Variants in PHLPP1 observed in about 807,000 individuals in gnomAD.
PHLPP1 encodes the protein PH domain leucine-rich repeat-containing protein phosphatase 1.
A neutral mutation model predicts 117.2 loss-of-function variants in PHLPP1; 42 were observed. That is an observed-to-expected ratio of 0.36 (90% CI 0.28 to 0.46). PHLPP1 has a LOEUF of 0.46. Among genes scored for constraint, PHLPP1 ranks in the 20% least tolerant of loss-of-function variants. The pLI is 1.00. For synonymous variants in PHLPP1, 1,042 were observed against 970.7 expected, an observed-to-expected ratio of 1.07 and a Z score of -1.37; for missense variants, 2,084 against 2,241.9, an observed-to-expected ratio of 0.93 and a Z score of 1.42.
chr18:62,720,605 T>C (rs926384867), intron 1 of PHLPP1, among the ~76,000 whole-genome samples: 1 of 152,214 alleles, frequency 6.6e-6, no homozygotes, highest in Non-Finnish European at 1.5e-5. Flanking sequence ...ACAAGCAGGT[T>C]CTTATTACTA....
chr18:62,896,012 G>T lies in PHLPP1; in HGVS notation c.2444+1G>T. On this transcript the variant is annotated splice_donor_variant, in intron 6 of 16. Transcript: ENST00000262719. LOFTEE classifies it high-confidence loss of function. ...CTCACATTAAACATGTGGATCTAAG[G>T]TAACCATTTTTGAGAAATAGATCTC... The T allele has an allele frequency of 6.3e-7, 1 of 1,583,908 alleles. No individual in the cohort carries two copies. The highest frequency in any genetic ancestry group is 1.1e-5 in the South Asian group (1 of 90,188).
At position 62,965,722 on chromosome 18, in the gene PHLPP1, G is replaced by A. The variant is rs909569824; in HGVS notation, c.3560+2250G>A. ...GATCCACCTGCCTCAGCCTCCCAAA[G>A]TGCTGGGATTACAGATGTGAGCCAC... is the stretch of plus-strand genomic sequence containing the variant. On this transcript the variant is annotated intron_variant, in intron 14 of 16. Coordinates refer to ENST00000262719, the MANE Select transcript of PHLPP1 (RefSeq NM_194449.4). Among the ~76,000 whole-genome samples the A allele has an allele frequency of 6.0e-5, 9 of 150,892 alleles. No homozygotes were observed. In the East Asian group the frequency reaches 1.8e-3, roughly 29 times the overall value.
chr18:62,758,991 CAA>C (rs745633611), intron 1 of PHLPP1, among the ~76,000 whole-genome samples: 12 of 152,242 alleles, frequency 7.9e-5, no homozygotes, highest in Non-Finnish European at 1.3e-4. Context: ...GTTCTGGAGT[CAA>C]AAACAAGATT....
intron 10 of PHLPP1, among the ~76,000 whole-genome samples, chr18:62,937,193 G>A (rs1348932153): frequency 6.6e-6 from 1 of 152,188 alleles, no homozygotes; most frequent in Non-Finnish European, 1.5e-5. Flanking sequence ...ATATATAGAT[G>A]AGTCAAATGG....
intron 2 of PHLPP1, among the ~76,000 whole-genome samples, chr18:62,837,085 C>T (rs534366857): frequency 2.0e-5 from 3 of 152,318 alleles, no homozygotes; most frequent in Admixed American, 2.0e-4. Context: ...CAGGCTTGGG[C>T]GATTTCCCCA....
intron 3 of PHLPP1, among the ~76,000 whole-genome samples, chr18:62,853,257 G>A (rs1915406155): frequency 6.6e-6 from 1 of 151,918 alleles, no homozygotes; most frequent in African/African-American, 2.4e-5. Context: ...TGGAAATTAT[G>A]TTCATTTTGA....
intron 1 of PHLPP1, among the ~76,000 whole-genome samples, chr18:62,756,911 G>C (rs1211146539): frequency 6.6e-6 from 1 of 152,210 alleles, no homozygotes; most frequent in African/African-American, 2.4e-5. Flanking sequence ...AAGAAGAGAA[G>C]TGTAGAATGA....
chr18:62,804,451 C>T (rs1464531302), intron 1 of PHLPP1, among the ~76,000 whole-genome samples: 2 of 152,004 alleles, frequency 1.3e-5, no homozygotes, highest in African/African-American at 4.8e-5. Context: ...GTGGGTCACA[C>T]CTGTAATCCC....
rs1249539235 is a variant in PHLPP1 at position 62,979,162 on chromosome 18, C to A, written c.4885C>A (p.Pro1629Thr). Residue 1629 changes from proline to threonine, a missense_variant, in exon 17 of 17, where the codon CCC becomes ACC. Pro to Thr is a conservative substitution (Grantham distance 38, BLOSUM62 -1). Coordinates refer to ENST00000262719, the MANE Select transcript of PHLPP1 (RefSeq NM_194449.4). The part of the protein sequence containing the change: ...GRRRANGSVA[P>T]QERSHNVIEV... ...CCGGAGGGCCAATGGCTCTGTTGCG[C>A]CCCAGGAAAGGAGCCACAATGTGAT... 5.6e-6 allele frequency: 9 copies of A among 1,613,908 alleles called. No homozygotes were observed. The East Asian group carries it at 1.8e-4, about 32-fold the overall frequency.
intron 10 of PHLPP1, among the ~76,000 whole-genome samples, chr18:62,924,292 T>C (rs1438763360): frequency 6.6e-6 from 1 of 152,172 alleles, no homozygotes; most frequent in Non-Finnish European, 1.5e-5. Context: ...TTATATTTTT[T>C]TGTGATAATA....
chr18:62,802,229 A>G (rs1194114318), intron 1 of PHLPP1, among the ~76,000 whole-genome samples: 1 of 152,220 alleles, frequency 6.6e-6, no homozygotes, highest in Non-Finnish European at 1.5e-5. Context: ...AGTGGCCCAA[A>G]GAAAGGGAGG....
At position 62,755,762 on chromosome 18, in the gene PHLPP1, C is replaced by CAGAT. The variant is rs538366749; in HGVS notation, c.1576+38507_1576+38510dup. ...TTATAGCAGCCCAAACAGACTAAGA[C>CAGAT]AGATAGAAAATTGCTTTATTTTGTG... On this transcript the variant is annotated intron_variant, in intron 1 of 16. Transcript: ENST00000262719. 2.0e-4 allele frequency among the ~76,000 whole-genome samples: 30 copies of CAGAT among 152,250 alleles called. 1 individual carries two copies. In the East Asian group the frequency reaches 5.8e-3, roughly 29 times the overall value.
chr18:62,972,892 T>G (rs547359366), intron 15 of PHLPP1, among the ~76,000 whole-genome samples, 184 bp downstream of exon 15: 1 of 152,170 alleles, frequency 6.6e-6, no homozygotes, highest in African/African-American at 2.4e-5. Context: ...GTTTGAGACA[T>G]ACTGATGTTC....
At chr18:62,847,497 T>C (rs559080388) in intron 3 of PHLPP1, among the ~76,000 whole-genome samples, 1 of 151,946 alleles carries the variant, frequency 6.6e-6, no homozygotes, top group South Asian at 2.1e-4. Context: ...GTTTGATCTG[T>C]ATAATGTTAT....
At chr18:62,975,251 A>C (rs1911154437) in intron 15 of PHLPP1, 146 bp from the exon 16 acceptor site, 4 of 628,728 alleles carry the variant, frequency 6.4e-6, no homozygotes, top group Non-Finnish European at 1.1e-5. Flanking sequence ...GAGGCAGAGC[A>C]GTGTGTGCTT....
intron 1 of PHLPP1, among the ~76,000 whole-genome samples, chr18:62,763,617 C>A (rs1912335823): frequency 6.6e-6 from 1 of 152,196 alleles, no homozygotes; most frequent in Non-Finnish European, 1.5e-5. Flanking sequence ...AGATCTTACT[C>A]TTTCTCAGTC....
At chr18:62,976,796 A>G (rs1462529695) in intron 16 of PHLPP1, among the ~76,000 whole-genome samples, 2 of 152,138 alleles carry the variant, frequency 1.3e-5, no homozygotes, top group Non-Finnish European at 2.9e-5. Flanking sequence ...CAAACTGTAC[A>G]TGGTTCTATG....
At chr18:62,906,548 C>A (rs1156274862) in intron 8 of PHLPP1, among the ~76,000 whole-genome samples, 145 of 128,374 alleles carry the variant, frequency 1.1e-3, no homozygotes, top group Middle Eastern at 3.8e-3. Context: ...GGGTGACGGA[C>A]GCACCTGGAA....
rs370652069 is a variant in PHLPP1, at chr18:62,896,101, G to C, written c.2444+90G>C. The C allele has an allele frequency of 9.8e-5, 72 of 736,462 alleles. 1 individual carries two copies. Among genetic ancestry groups the C allele is most frequent in the East Asian group, 9.4e-4 (35 of 37,132 alleles). 45.6% of individuals were successfully genotyped at this position (736,462 alleles called of 1,614,324 possible). On this transcript the variant is annotated intron_variant, in intron 6 of 16. Coordinates refer to ENST00000262719, the MANE Select transcript of PHLPP1 (RefSeq NM_194449.4). ...GGTTATTAACCAAGGCAAACAAGCTGGGTAATTGAATGTGGGCCCGTTTTT... is the reference window on the plus strand; with the variant it reads ...GGTTATTAACCAAGGCAAACAAGCTCGGTAATTGAATGTGGGCCCGTTTTT...
Sources: allele counts gnomAD v4.1 joint callset (sites outside exome capture counted in the v4.1 genomes callset), GRCh38; gene constraint gnomAD v4.1.1; transcripts MANE v1.5; gene names NCBI Gene and HGNC (gene_info 2026-07-23, HGNC 2026-07-21).